The following SYT17 variants were observed in gnomAD, a reference collection of about 807,000 sequenced individuals.
The protein encoded by SYT17 is synaptotagmin 17.
In SYT17, 22 loss-of-function variants were observed where a neutral mutation model predicts 46.7. The observed-to-expected ratio is 0.47, with a 90% confidence interval of 0.34 to 0.67. The LOEUF (loss-of-function observed/expected upper bound fraction) is 0.67. SYT17 is among the 30% of genes least tolerant of loss of function. SYT17 has a pLI of 0.01. For missense variants in SYT17, 519 were observed against 612.8 expected (o/e 0.85, Z 1.62); for synonymous variants, 251 against 248.4 (o/e 1.01, Z -0.10).
chr16:19,203,026 A>G (rs1381301763), intron 5 of SYT17, among the ~76,000 whole-genome samples: 1 of 152,118 alleles, frequency 6.6e-6, no homozygotes, highest in African/African-American at 2.4e-5. Flanking sequence ...GGGGACGAGG[A>G]TCCAATATGT....
chr16:19,204,438 TC>T (rs1965587955), intron 5 of SYT17, among the ~76,000 whole-genome samples: 1 of 151,424 alleles, frequency 6.6e-6, no homozygotes, highest in Non-Finnish European at 1.5e-5. Context: ...GTGAGGGAGG[TC>T]TCTAGAGCCT....
chr16:19,196,920 G>A (rs112424387), intron 5 of SYT17, among the ~76,000 whole-genome samples: 28 of 152,142 alleles, frequency 1.8e-4, no homozygotes, highest in African/African-American at 4.8e-4. Flanking sequence ...CATTGGACCC[G>A]GTACTTGGAA....
intron 7 of SYT17, among the ~76,000 whole-genome samples, chr16:19,239,841 C>T (rs958525998): frequency 3.3e-5 from 5 of 152,160 alleles, no homozygotes; most frequent in Admixed American, 6.5e-5. Flanking sequence ...AGCAGAGTAG[C>T]AAGGGTTATG....
chr16:19,265,046 G>C (rs1969269085), intron 7 of SYT17, among the ~76,000 whole-genome samples: 1 of 152,178 alleles, frequency 6.6e-6, no homozygotes, highest in African/African-American at 2.4e-5. Flanking sequence ...GGCCTGAAGT[G>C]GTCTCATAAT....
chr16:19,248,052 G>A (rs149358716), intron 7 of SYT17, among the ~76,000 whole-genome samples: 100 of 152,252 alleles, frequency 6.6e-4, no homozygotes, highest in African/African-American at 2.3e-3. Flanking sequence ...CAAGAAAAAT[G>A]GGCAAAAGCT....
rs146258081 is a variant in SYT17 at position 19,251,552 on chromosome 16, C to T, written c.1229-15328C>T. ...TGCCCACCATCCCACCATTTTATAG[C>T]GCAAGCGTGAGCAGGCAACCTTGTC... On this transcript the variant is annotated intron_variant, in intron 7 of 7. Coordinates refer to ENST00000355377, the MANE Select transcript of SYT17 (RefSeq NM_016524.4). Among the ~76,000 whole-genome samples, 433 of 152,246 alleles carry T rather than the reference C, an allele frequency of 2.8e-3. 1 individual carries two copies. Among genetic ancestry groups the T allele is most frequent in the African/African-American group, 9.9e-3 (410 of 41,536 alleles).
chr16:19,198,580 C>T (rs1965343478), intron 5 of SYT17, among the ~76,000 whole-genome samples: 1 of 152,170 alleles, frequency 6.6e-6, no homozygotes. Flanking sequence ...AACTCAGGCA[C>T]AGAAAGTTTG....
At chr16:19,255,746 C>T (rs963098324) in intron 7 of SYT17, among the ~76,000 whole-genome samples, 2 of 152,104 alleles carry the variant, frequency 1.3e-5, no homozygotes, top group Non-Finnish European at 2.9e-5. Context: ...AATCATGCCA[C>T]GCCACTGCAC....
rs141972479 is a variant in SYT17, at chr16:19,183,255, G to A, written c.332-273G>A. ...ATAGTAATTATCTAATAATTCAAGG[G>A]GATGTGAAGATTGTGATTGCACATA... On this transcript the variant is annotated intron_variant, in intron 4 of 7. Transcript: ENST00000355377. The surrounding 1 kb of genome is among the most constrained non-coding windows in gnomAD (Gnocchi z 5.6). Among the ~76,000 whole-genome samples, 136 of 152,262 alleles carry A rather than the reference G, an allele frequency of 8.9e-4. No homozygotes were observed. Among genetic ancestry groups the A allele is most frequent in the Middle Eastern group, 3.4e-3 (1 of 294 alleles).
At chr16:19,242,534 A>T (rs2239980) in intron 7 of SYT17, among the ~76,000 whole-genome samples, 63,953 of 151,240 alleles carry the variant, frequency 0.42, 15,270 homozygotes, top group East Asian at 0.6. Flanking sequence ...AATTAAAAAA[A>T]TTTTTTTTGA....
At chr16:19,218,918 A>G (rs902871694) in intron 5 of SYT17, among the ~76,000 whole-genome samples, 1 of 151,906 alleles carries the variant, frequency 6.6e-6, no homozygotes, top group Non-Finnish European at 1.5e-5. Context: ...CCTCTGCCCC[A>G]TGAGTCCCTA....
At chr16:19,197,141 C>T (rs1025755750) in intron 5 of SYT17, among the ~76,000 whole-genome samples, 2 of 152,202 alleles carry the variant, frequency 1.3e-5, no homozygotes, top group Non-Finnish European at 2.9e-5. Context: ...TGACCCTCTC[C>T]GTAGAGTCCT....
intron 5 of SYT17, among the ~76,000 whole-genome samples, chr16:19,215,551 A>G (rs1179852431): frequency 6.6e-6 from 1 of 152,138 alleles, no homozygotes; most frequent in Non-Finnish European, 1.5e-5. Context: ...AGTTGGGACC[A>G]CAGGTACTCA....
chr16:19,225,376 A>C (rs7188447), intron 7 of SYT17, among the ~76,000 whole-genome samples: 126,378 of 152,136 alleles, frequency 0.83, 52,880 homozygotes, highest in African/African-American at 0.93. Context: ...GCTTCATGTG[A>C]CACTGTCTGG....
intron 4 of SYT17, among the ~76,000 whole-genome samples, chr16:19,181,493 G>C (rs1567200038): frequency 6.6e-6 from 1 of 151,938 alleles, no homozygotes; most frequent in Non-Finnish European, 1.5e-5. Context: ...AAGAGTTCAA[G>C]GGCATGAAAT....
intron 5 of SYT17, among the ~76,000 whole-genome samples, chr16:19,208,732 T>C (rs1482183073): frequency 2.0e-5 from 3 of 152,088 alleles, no homozygotes; most frequent in African/African-American, 7.2e-5. Context: ...TGGTGTCTAT[T>C]GGCTTATAGA....
At chr16:19,227,082 G>A (rs956991095) in intron 7 of SYT17, among the ~76,000 whole-genome samples, 2 of 152,076 alleles carry the variant, frequency 1.3e-5, no homozygotes, top group Non-Finnish European at 2.9e-5. Context: ...CTGTAAAATG[G>A]GGATAACAAT....
intron 3 of SYT17, among the ~76,000 whole-genome samples, chr16:19,175,971 C>T (rs930096813): frequency 2.0e-5 from 3 of 152,134 alleles, no homozygotes; most frequent in Admixed American, 1.3e-4. Flanking sequence ...TTCAGTCTCA[C>T]GTAGGAGGTA....
At chr16:19,197,329 T>TTC (rs1015858176) in intron 5 of SYT17, among the ~76,000 whole-genome samples, 6 of 107,198 alleles carry the variant, frequency 5.6e-5, no homozygotes, top group Non-Finnish European at 1.2e-4. Flanking sequence ...TAGAAATTGA[T>TTC]TCATTTTAGA....
Sources: allele counts gnomAD v4.1 joint callset (sites outside exome capture counted in the v4.1 genomes callset), GRCh38; gene constraint gnomAD v4.1.1; non-coding constraint Gnocchi (gnomAD v3.1); transcripts MANE v1.5; gene names NCBI Gene and HGNC (gene_info 2026-07-23, HGNC 2026-07-21).